The following GULP1 variants were observed in gnomAD, a reference collection of about 807,000 sequenced individuals.
GULP1 encodes GULP PTB domain containing engulfment adaptor 1, also known as PTB domain-containing engulfment adapter protein 1.
A neutral mutation model predicts 40.9 loss-of-function variants in GULP1; 19 were observed. That is an observed-to-expected ratio of 0.46 (90% CI 0.32 to 0.68). GULP1 has a LOEUF of 0.68. Ranked by LOEUF, GULP1 falls within the 30% of genes least tolerant of loss-of-function variation. The pLI, the probability that GULP1 is intolerant of heterozygous loss-of-function variation, is 0.03. For missense variants in GULP1, 312 were observed against 362.2 expected, an observed-to-expected ratio of 0.86 and a Z score of 1.12; for synonymous variants, 119 against 117.6, an observed-to-expected ratio of 1.01 and a Z score of -0.08.
At chr2:188,490,386 A>G (rs2062253771) in intron 4 of GULP1, among the ~76,000 whole-genome samples, 1 of 152,142 alleles carries the variant, frequency 6.6e-6, no homozygotes, top group Non-Finnish European at 1.5e-5. Flanking sequence ...CCTAAAGACA[A>G]GTAAAATATG....
chr2:188,570,721 G>C lies in GULP1; in HGVS notation c.609+601G>C, dbSNP rs549839743. ...ATCATTATTACATGATTTTGGCAAA[G>C]GGAATTTATTGGAGGGAGGTGGAAT... On this transcript the variant is annotated intron_variant, in intron 9 of 11. Transcript: ENST00000409830. 2.0e-5 allele frequency among the ~76,000 whole-genome samples: 3 copies of C among 152,244 alleles called. No individual in the cohort carries two copies. In the South Asian group the frequency reaches 6.2e-4, roughly 32 times the overall value.
chr2:188,331,675 T>A lies in GULP1; in HGVS notation c.-172+39509T>A, dbSNP rs916814888. On this transcript the variant is annotated intron_variant, in intron 1 of 11. Transcript: ENST00000409830. Reference sequence around the variant, plus strand: ...TGTATAATGTGATTCCATTTTGGTATGTAATGACATTTATGTATTTAAAAA... The same window carrying A: ...TGTATAATGTGATTCCATTTTGGTAAGTAATGACATTTATGTATTTAAAAA... Among the ~76,000 whole-genome samples the A allele has an allele frequency of 6.6e-5, 10 of 152,208 alleles. No individual in the cohort carries two copies. In the East Asian group the frequency reaches 1.9e-3, roughly 29 times the overall value.
chr2:188,441,800 G>A (rs765539117), intron 2 of GULP1, among the ~76,000 whole-genome samples: 2 of 152,164 alleles, frequency 1.3e-5, no homozygotes, highest in Non-Finnish European at 2.9e-5. Context: ...TTTCTTGCAT[G>A]TGCTAGAATT....
At chr2:188,331,600 GTTA>G (rs2041590036) in intron 1 of GULP1, among the ~76,000 whole-genome samples, 1 of 152,108 alleles carries the variant, frequency 6.6e-6, no homozygotes, top group Non-Finnish European at 1.5e-5. Flanking sequence ...AATTTAGATT[GTTA>G]TTATAACAAC....
rs191246645 is a variant in GULP1 at position 188,386,180 on chromosome 2, C to T, written c.-45+2291C>T. 1.6e-3 allele frequency among the ~76,000 whole-genome samples: 244 copies of T among 152,244 alleles called. 1 individual carries two copies. Among genetic ancestry groups the T allele is most frequent in the African/African-American group, 5.7e-3 (237 of 41,550 alleles). ...CATGTGGCTGGGGAGACCTCACAACCATGGAAGAAGGTGAAAGGCACATCT... is the reference window on the plus strand; with the variant it reads ...CATGTGGCTGGGGAGACCTCACAACTATGGAAGAAGGTGAAAGGCACATCT... On this transcript the variant is annotated intron_variant, in intron 2 of 11. Coordinates refer to ENST00000409830, the MANE Select transcript of GULP1 (RefSeq NM_016315.4).
intron 4 of GULP1, among the ~76,000 whole-genome samples, chr2:188,515,460 C>A (rs903794471): frequency 6.6e-6 from 1 of 152,002 alleles, no homozygotes; most frequent in Non-Finnish European, 1.5e-5. Context: ...CACTGTATAC[C>A]CAATTGTTGA....
At position 188,522,502 on chromosome 2, in the gene GULP1, A is replaced by G. The variant is rs202236315; in HGVS notation, c.91-254A>G. On this transcript the variant is annotated intron_variant, in intron 4 of 11. Coordinates refer to ENST00000409830, the MANE Select transcript of GULP1 (RefSeq NM_016315.4). ...AAATAACTTTAGTTTTCTTTCCAGT[A>G]AAAATCTACAAGTAAAATATTTAGA... Among the ~76,000 whole-genome samples, 150 of 152,166 alleles carry G rather than the reference A, an allele frequency of 9.9e-4. 2 individuals carry two copies. In the East Asian group the frequency reaches 0.022, roughly 23 times the overall value.
intron 7 of GULP1, among the ~76,000 whole-genome samples, chr2:188,552,723 ATAT>A (rs2153380406): frequency 6.6e-6 from 1 of 151,552 alleles, no homozygotes; most frequent in South Asian, 2.1e-4. Context: ...CATTTAAATG[ATAT>A]TATTTCTTAT....
chr2:188,476,145 A>G (rs1296479150), intron 2 of GULP1, among the ~76,000 whole-genome samples: 1 of 152,202 alleles, frequency 6.6e-6, no homozygotes, highest in Non-Finnish European at 1.5e-5. Context: ...AGATGTGGTT[A>G]CAGAATGTAA....
chr2:188,564,323 A>G (rs953371040), intron 7 of GULP1, among the ~76,000 whole-genome samples: 1 of 151,900 alleles, frequency 6.6e-6, no homozygotes, highest in Non-Finnish European at 1.5e-5. Flanking sequence ...CTTTTTTCAC[A>G]TATATAATAT....
At chr2:188,482,113 A>C (rs2061489602) in intron 3 of GULP1, among the ~76,000 whole-genome samples, 1 of 151,938 alleles carries the variant, frequency 6.6e-6, no homozygotes, top group African/African-American at 2.4e-5. Flanking sequence ...AGTCAGAAAT[A>C]GACCCAATTC....
chr2:188,343,442 T>G (rs2043221321), intron 1 of GULP1, among the ~76,000 whole-genome samples: 2 of 152,196 alleles, frequency 1.3e-5, no homozygotes, highest in South Asian at 4.1e-4. Flanking sequence ...AAGCTTGTAG[T>G]GTACAGTTAG....
intron 2 of GULP1, among the ~76,000 whole-genome samples, chr2:188,433,309 T>C (rs1309920040): frequency 1.3e-5 from 2 of 152,166 alleles, no homozygotes; most frequent in Non-Finnish European, 2.9e-5. Flanking sequence ...AGGGAGGAAC[T>C]GAACTGTAGT....
intron 2 of GULP1, among the ~76,000 whole-genome samples, chr2:188,399,702 A>C (rs906954640): frequency 6.7e-6 from 1 of 149,286 alleles, no homozygotes; most frequent in South Asian, 2.1e-4. Context: ...AAAAAAAAAA[A>C]AAAAAAAAAA....
intron 2 of GULP1, among the ~76,000 whole-genome samples, chr2:188,426,627 T>TA (rs2056236783): frequency 6.6e-6 from 1 of 152,242 alleles, no homozygotes; most frequent in Non-Finnish European, 1.5e-5. Context: ...TTGGTTATCT[T>TA]ATACAACAGT....
chr2:188,329,069 C>T (rs1306450021), intron 1 of GULP1, among the ~76,000 whole-genome samples: 1 of 151,946 alleles, frequency 6.6e-6, no homozygotes, highest in East Asian at 1.9e-4. Flanking sequence ...TTCTTTTTCA[C>T]AGGTGGTCTC....
intron 2 of GULP1, among the ~76,000 whole-genome samples, chr2:188,426,432 C>T (rs1406152608): frequency 6.6e-6 from 1 of 152,084 alleles, no homozygotes. Flanking sequence ...TACTTCTTTC[C>T]TGGATCAGGA....
At chr2:188,409,097 T>C (rs1422538327) in intron 2 of GULP1, among the ~76,000 whole-genome samples, 3 of 152,044 alleles carry the variant, frequency 2.0e-5, no homozygotes, top group Admixed American at 1.3e-4. Context: ...AAGAAAATTC[T>C]AAGCCCAACT....
chr2:188,311,914 T>A (rs1478472127), intron 1 of GULP1, among the ~76,000 whole-genome samples: 2 of 149,042 alleles, frequency 1.3e-5, no homozygotes, highest in Non-Finnish European at 3.0e-5. Flanking sequence ...AATACACATA[T>A]ACCTTGAATA....
Sources: gnomAD v4.1 joint callset for allele counts (sites outside exome capture counted in the v4.1 genomes callset) on GRCh38, gnomAD v4.1.1 for gene constraint, MANE v1.5 for transcripts, NCBI Gene and HGNC (gene_info 2026-07-23, HGNC 2026-07-21) for gene names.